The following FRMD4A variants were observed in gnomAD, a reference collection of about 807,000 sequenced individuals.
The protein encoded by FRMD4A is FERM domain containing 4A, also known as FERM domain-containing protein 4A.
Under a neutral mutation model 129.1 loss-of-function variants are expected in FRMD4A, and 29 were observed. That is an observed-to-expected ratio of 0.22 (90% CI 0.17 to 0.31). The LOEUF (loss-of-function observed/expected upper bound fraction) is 0.31. Ranked by LOEUF, FRMD4A falls within the 10% of genes least tolerant of loss-of-function variation. The pLI, the probability that FRMD4A is intolerant of heterozygous loss-of-function variation, is 1.00. For missense variants in FRMD4A, 1,272 were observed against 1,375.8 expected (o/e 0.92, Z 1.19); for synonymous variants, 634 against 571.6 (o/e 1.11, Z -1.56).
Position 14,041,594 on chromosome 10 carries a change from C to T in FRMD4A, c.46-182682G>A, listed in dbSNP as rs576295812. On this transcript the variant is annotated intron_variant, in intron 2 of 24. Transcript: ENST00000357447. ...ATGAGTCCATATGAGCCCCAAAAGG[C>T]GTGACCAGGGATTTTCATAGCAGGA... Among the ~76,000 whole-genome samples, 236 of 152,264 alleles carry T rather than the reference C, an allele frequency of 1.5e-3. 1 individual carries two copies. The highest frequency in any genetic ancestry group is 5.4e-3 in the African/African-American group (225 of 41,556).
At chr10:14,268,526 C>T (rs1049796183) in intron 2 of FRMD4A, among the ~76,000 whole-genome samples, 7 of 152,164 alleles carry the variant, frequency 4.6e-5, no homozygotes, top group Admixed American at 2.6e-4. Flanking sequence ...TTTTTTCATT[C>T]ATCTTCATAA....
intron 9 of FRMD4A, among the ~76,000 whole-genome samples, chr10:13,744,052 C>G (rs1047365681): frequency 5.9e-5 from 9 of 152,070 alleles, no homozygotes; most frequent in Non-Finnish European, 1.3e-4. Context: ...GTTGTTAAGT[C>G]AAATGACCTC....
intron 15 of FRMD4A, chr10:13,684,541 G>T: frequency 1.0e-6 from 1 of 985,438 alleles, no homozygotes; most frequent in Non-Finnish European, 1.2e-6. Context: ...CCTCCCGGCC[G>T]GCAGACACAT....
intron 2 of FRMD4A, among the ~76,000 whole-genome samples, chr10:14,319,369 A>T (rs61836145): frequency 0.04 from 1,652 of 41,208 alleles, 9 homozygotes; most frequent in Non-Finnish European, 0.051. Context: ...TCTCTCTCTC[A>T]CACACACACA....
intron 2 of FRMD4A, among the ~76,000 whole-genome samples, chr10:13,873,671 C>T (rs556466839): frequency 1.7e-4 from 26 of 152,100 alleles, no homozygotes; most frequent in African/African-American, 6.0e-4. Flanking sequence ...CTCAGCCTCC[C>T]GAGCAGCTGA....
intron 6 of FRMD4A, among the ~76,000 whole-genome samples, chr10:13,769,654 T>C (rs1170294070): frequency 1.3e-5 from 2 of 151,960 alleles, no homozygotes; most frequent in Admixed American, 1.3e-4. Flanking sequence ...TCTACGAGGG[T>C]GTTTCTGGAT....
intron 17 of FRMD4A, chr10:13,668,357 G>A (rs1209621182): frequency 3.9e-5 from 6 of 152,214 alleles, no homozygotes; most frequent in South Asian, 2.1e-4. Context: ...CCTGGCACCA[G>A]ACACTGATTC....
intron 2 of FRMD4A, among the ~76,000 whole-genome samples, chr10:13,963,618 A>T (rs1313465061): frequency 6.6e-6 from 1 of 152,230 alleles, no homozygotes; most frequent in Non-Finnish European, 1.5e-5. Context: ...ATAACTAATC[A>T]TGTGGACAGC....
intron 4 of FRMD4A, among the ~76,000 whole-genome samples, chr10:13,810,376 T>G (rs1269230481): frequency 2.6e-5 from 4 of 152,230 alleles, no homozygotes; most frequent in Non-Finnish European, 4.4e-5. Context: ...GTCGCTTTAT[T>G]TCAGTTTAGA....
intron 2 of FRMD4A, among the ~76,000 whole-genome samples, chr10:14,328,360 G>T (rs994004150): frequency 1.3e-5 from 1 of 78,082 alleles, no homozygotes; most frequent in East Asian, 5.0e-4. Context: ...GCCTGTGTGT[G>T]TGTGTGGGTG....
intron 2 of FRMD4A, among the ~76,000 whole-genome samples, chr10:14,076,679 A>G (rs1237257153): frequency 3.3e-5 from 5 of 152,110 alleles, no homozygotes; most frequent in Non-Finnish European, 7.4e-5. Flanking sequence ...ATGCATTACT[A>G]TGAACTTTGG....
intron 2 of FRMD4A, among the ~76,000 whole-genome samples, chr10:13,898,711 CT>C (rs1330772703): frequency 6.6e-6 from 1 of 152,204 alleles, no homozygotes; most frequent in Non-Finnish European, 1.5e-5. Context: ...GGAGAAAGAT[CT>C]CTCCCACTCA....
At chr10:13,689,663 C>T (rs777058905) in intron 15 of FRMD4A, among the ~76,000 whole-genome samples, 2 of 151,602 alleles carry the variant, frequency 1.3e-5, no homozygotes, top group Non-Finnish European at 2.9e-5. Context: ...CGTGATCCTC[C>T]AGCCTCAGCC....
chr10:13,952,803 C>G (rs2095381994), intron 2 of FRMD4A, among the ~76,000 whole-genome samples: 1 of 152,152 alleles, frequency 6.6e-6, no homozygotes, highest in Admixed American at 6.5e-5. Flanking sequence ...AAGTGATTCT[C>G]CTGCCTCAGC....
intron 2 of FRMD4A, among the ~76,000 whole-genome samples, chr10:13,958,676 C>A (rs567292818): frequency 1.3e-5 from 2 of 151,726 alleles, no homozygotes; most frequent in Non-Finnish European, 2.9e-5. Context: ...ACCTCCGCCT[C>A]CCAGGTTTAA....
chr10:14,119,902 G>A (rs1366278057), intron 2 of FRMD4A, among the ~76,000 whole-genome samples: 1 of 151,980 alleles, frequency 6.6e-6, no homozygotes, highest in Non-Finnish European at 1.5e-5. Flanking sequence ...GCTGTTCCAG[G>A]ACTATAAAAT....
intron 5 of FRMD4A, among the ~76,000 whole-genome samples, chr10:13,793,765 C>A (rs952819385): frequency 6.6e-6 from 1 of 152,176 alleles, no homozygotes; most frequent in Non-Finnish European, 1.5e-5. Flanking sequence ...TCTCTTACCA[C>A]TCCTTTGGAG....
chr10:13,656,435 G>A (rs1468297713), intron 22 of FRMD4A, among the ~76,000 whole-genome samples: 1 of 152,184 alleles, frequency 6.6e-6, no homozygotes, highest in African/African-American at 2.4e-5. Context: ...TGCAAGATTA[G>A]GGTTAGAACG....
At chr10:13,704,547 A>C (rs2087214123) in intron 13 of FRMD4A, among the ~76,000 whole-genome samples, 1 of 152,136 alleles carries the variant, frequency 6.6e-6, no homozygotes, top group Non-Finnish European at 1.5e-5. Flanking sequence ...GGTCCAACTC[A>C]GACCTCTCCT....
Sources: allele counts gnomAD v4.1 joint callset (sites outside exome capture counted in the v4.1 genomes callset), GRCh38; gene constraint gnomAD v4.1.1; transcripts MANE v1.5; gene names NCBI Gene and HGNC (gene_info 2026-07-23, HGNC 2026-07-21).